The following DPP10 variants were observed in gnomAD, a reference collection of about 807,000 sequenced individuals.
DPP10 encodes inactive dipeptidyl peptidase 10.
A neutral mutation model predicts 120.9 loss-of-function variants in DPP10; 33 were observed. The ratio of observed to expected loss-of-function variants is 0.27; its 90% CI spans 0.21 to 0.37. The LOEUF (loss-of-function observed/expected upper bound fraction) is 0.37. DPP10 is among the 10% of genes least tolerant of loss of function. The pLI is 1.00. For missense variants in DPP10, 816 were observed against 942.8 expected, an observed-to-expected ratio of 0.87 and a Z score of 1.76; for synonymous variants, 337 against 326.1, an observed-to-expected ratio of 1.03 and a Z score of -0.36.
rs1307078000 is a variant in DPP10, at chr2:114,473,860, C to CA, written c.60+31022_60+31023insA. Among the ~76,000 whole-genome samples, 339 of 152,304 alleles carry CA rather than the reference C, an allele frequency of 2.2e-3. 2 individuals carry two copies. The highest frequency in any genetic ancestry group is 7.7e-3 in the African/African-American group (318 of 41,564). ...ATATACATATTTGTATATATTTATA[C>CA]TTACATACATACATACATACATACA... On this transcript the variant is annotated intron_variant, in intron 1 of 25. Coordinates refer to ENST00000410059, the MANE Select transcript of DPP10 (RefSeq NM_020868.6).
intron 3 of DPP10, among the ~76,000 whole-genome samples, chr2:115,462,999 G>A (rs539736611): frequency 1.4e-3 from 220 of 152,198 alleles, no homozygotes; most frequent in African/African-American, 5.1e-3. Flanking sequence ...GAAAGTGCTG[G>A]GATTAAAGGT....
At chr2:114,748,338 CTT>C (rs1255227047) in intron 1 of DPP10, among the ~76,000 whole-genome samples, 2 of 70,324 alleles carry the variant, frequency 2.8e-5, no homozygotes, top group African/African-American at 1.3e-4. Flanking sequence ...AGGGAATTTT[CTT>C]TTTTTTTTTT....
intron 21 of DPP10, among the ~76,000 whole-genome samples, chr2:115,829,894 A>G (rs941465551): frequency 1.3e-5 from 2 of 152,128 alleles, no homozygotes; most frequent in Non-Finnish European, 2.9e-5. Context: ...TTAATTATGG[A>G]TATGACTTGA....
chr2:114,784,025 A>G (rs1023471248), intron 1 of DPP10, among the ~76,000 whole-genome samples: 2 of 152,042 alleles, frequency 1.3e-5, no homozygotes, highest in Non-Finnish European at 2.9e-5. Flanking sequence ...TGACCTGCGC[A>G]TGTACAACCA....
intron 5 of DPP10, among the ~76,000 whole-genome samples, chr2:115,533,670 A>C (rs151044367): frequency 1.4e-3 from 215 of 152,174 alleles, no homozygotes; most frequent in African/African-American, 5.0e-3. Context: ...TAGGCTGTTA[A>C]AATTCATACA....
chr2:114,447,154 G>A (rs1444141448), intron 1 of DPP10, among the ~76,000 whole-genome samples: 2 of 149,738 alleles, frequency 1.3e-5, no homozygotes, highest in South Asian at 2.1e-4. Context: ...CTGCCACCAC[G>A]CCTGGCTAAT....
At chr2:114,999,726 G>A (rs553187238) in intron 1 of DPP10, among the ~76,000 whole-genome samples, 1 of 151,954 alleles carries the variant, frequency 6.6e-6, no homozygotes, top group Non-Finnish European at 1.5e-5. Context: ...AGCTTCCCTT[G>A]ACACTTAAAC....
At chr2:114,560,776 T>C (rs527471709) in intron 1 of DPP10, among the ~76,000 whole-genome samples, 26 of 152,220 alleles carry the variant, frequency 1.7e-4, no homozygotes, top group Non-Finnish European at 3.2e-4. Context: ...ACTGTGCTAA[T>C]GCAGGCTCTT....
chr2:115,225,493 A>ATG (rs35747472), intron 1 of DPP10, among the ~76,000 whole-genome samples: 33 of 150,106 alleles, frequency 2.2e-4, no homozygotes, highest in South Asian at 8.5e-4. Flanking sequence ...AACCGCATGA[A>ATG]TGTGTGTGTG....
chr2:114,573,882 C>T (rs994366884), intron 1 of DPP10, among the ~76,000 whole-genome samples: 2 of 152,128 alleles, frequency 1.3e-5, no homozygotes, highest in African/African-American at 4.8e-5. Context: ...TGCCTTACTG[C>T]AAACAAAGTG....
intron 1 of DPP10, among the ~76,000 whole-genome samples, chr2:114,840,032 A>T (rs1439150928): frequency 4.6e-5 from 7 of 152,134 alleles, no homozygotes; most frequent in Non-Finnish European, 7.4e-5. Flanking sequence ...GTAAAGCTGA[A>T]TTGGGGTAAT....
rs141271122 is a variant in DPP10, at chr2:115,350,060, A to G, written c.271+6148A>G. Among the ~76,000 whole-genome samples the G allele has an allele frequency of 2.6e-4, 39 of 152,228 alleles. No homozygotes were observed. In the East Asian group the frequency reaches 6.7e-3, roughly 26 times the overall value. On this transcript the variant is annotated intron_variant, in intron 3 of 25. Coordinates refer to ENST00000410059, the MANE Select transcript of DPP10 (RefSeq NM_020868.6). ...GAAGATAACACGTATTTTTCTTGCA[A>G]CATAATTTATAAAGATAAAACCTTG...
chr2:114,491,894 G>A (rs1682036483), intron 1 of DPP10, among the ~76,000 whole-genome samples: 2 of 152,116 alleles, frequency 1.3e-5, no homozygotes, highest in Non-Finnish European at 2.9e-5. Flanking sequence ...TCCCTTTAGT[G>A]CTTTTTCCTG....
At chr2:114,673,283 C>G (rs1486414842) in intron 1 of DPP10, among the ~76,000 whole-genome samples, 5 of 152,210 alleles carry the variant, frequency 3.3e-5, no homozygotes, top group African/African-American at 1.2e-4. Flanking sequence ...CGAATAGTTT[C>G]CAGTTCACAT....
intron 5 of DPP10, among the ~76,000 whole-genome samples, chr2:115,651,564 C>T (rs562258406): frequency 6.6e-6 from 1 of 152,002 alleles, no homozygotes; most frequent in Admixed American, 6.6e-5. Context: ...GCTTAGACGC[C>T]GAATGGTTTC....
chr2:115,114,546 C>A (rs983584730), intron 1 of DPP10, among the ~76,000 whole-genome samples: 6 of 152,146 alleles, frequency 3.9e-5, no homozygotes, highest in African/African-American at 1.4e-4. Context: ...GATCTAGATT[C>A]TCTACATGTG....
At chr2:114,960,806 G>A (rs1469572494) in intron 1 of DPP10, among the ~76,000 whole-genome samples, 1 of 152,110 alleles carries the variant, frequency 6.6e-6, no homozygotes, top group African/African-American at 2.4e-5. Flanking sequence ...CTTCTGTCAA[G>A]TGGACATAAG....
chr2:115,608,003 G>A (rs925420339), intron 5 of DPP10, among the ~76,000 whole-genome samples: 36 of 152,144 alleles, frequency 2.4e-4, no homozygotes, highest in African/African-American at 8.0e-4. Context: ...TAAACATGGT[G>A]GAATAATAAT....
chr2:115,334,206 C>T (rs989345075), intron 2 of DPP10, among the ~76,000 whole-genome samples: 27 of 61,186 alleles, frequency 4.4e-4, no homozygotes, highest in African/African-American at 1.1e-3. Flanking sequence ...TAGAATTTAT[C>T]AGGAATGGAC....
Sources: allele counts gnomAD v4.1 joint callset (sites outside exome capture counted in the v4.1 genomes callset), GRCh38; gene constraint gnomAD v4.1.1; transcripts MANE v1.5; gene names NCBI Gene and HGNC (gene_info 2026-07-23, HGNC 2026-07-21).